RALY: variants seen among roughly 807,000 people sequenced by gnomAD.
The protein encoded by RALY is RNA-binding protein Raly.
Under a neutral mutation model 30.7 loss-of-function variants are expected in RALY, and 15 were observed. The observed-to-expected ratio is 0.49, with a 90% CI of 0.33 to 0.75. RALY has a LOEUF of 0.75. RALY is among the 30% of genes least tolerant of loss of function. The pLI, the probability that RALY is intolerant of heterozygous loss-of-function variation, is 0.02. For synonymous variants in RALY, 177 were observed against 170.8 expected, an observed-to-expected ratio of 1.04 and a Z score of -0.28; for missense variants, 339 against 414.3, an observed-to-expected ratio of 0.82 and a Z score of 1.58.
rs6059656 is a variant in RALY, at chr20:34,084,374, C to T, written c.*4469C>T. The T allele has an allele frequency of 4.6e-5, 7 of 152,320 alleles. No homozygotes were observed. Among genetic ancestry groups the T allele is most frequent in the African/African-American group, 1.7e-4 (7 of 41,550 alleles). The allele number at this position is 152,320 out of a possible 1,614,324, so 9.4% of individuals were successfully genotyped here. ...GTTCCAAGAAGTGGTAGAGCATGGC[C>T]ATAGGGCCTGTGAGAATAGAGGGAC... On this transcript the variant is annotated 3_prime_UTR_variant, in exon 10 of 10. Transcript: ENST00000246194.
chr20:34,057,181 G>T (rs1166482880), intron 2 of RALY, among the ~76,000 whole-genome samples: 1 of 152,146 alleles, frequency 6.6e-6, no homozygotes, highest in Non-Finnish European at 1.5e-5. Context: ...TTAGGCTACA[G>T]AGTTGAGTTA....
chr20:34,051,445 A>C (rs948944055), intron 2 of RALY, among the ~76,000 whole-genome samples: 6 of 151,988 alleles, frequency 3.9e-5, no homozygotes, highest in Non-Finnish European at 7.4e-5. Flanking sequence ...AACAATGTCT[A>C]CTCCTTATGG....
At chr20:34,030,501 A>C in intron 1 of RALY, among the ~76,000 whole-genome samples, 1 of 152,242 alleles carries the variant, frequency 6.6e-6, no homozygotes, top group East Asian at 1.9e-4. Flanking sequence ...GGAGCTGAGC[A>C]CAGAAATGTG....
chr20:34,032,393 G>T (rs1176429765), intron 2 of RALY, among the ~76,000 whole-genome samples: 2 of 152,194 alleles, frequency 1.3e-5, no homozygotes, highest in Admixed American at 1.3e-4. Flanking sequence ...AGTGATTAGG[G>T]TTTTATGAAG....
intron 2 of RALY, among the ~76,000 whole-genome samples, chr20:34,052,716 G>C (rs1391200244): frequency 2.0e-5 from 3 of 152,198 alleles, no homozygotes; most frequent in African/African-American, 7.2e-5. Context: ...ACCGTGCAAA[G>C]TCGAACTCTG....
chr20:34,064,428 A>G (rs556643713), intron 2 of RALY, among the ~76,000 whole-genome samples: 1 of 152,302 alleles, frequency 6.6e-6, no homozygotes, highest in African/African-American at 2.4e-5. Flanking sequence ...CAATGTCAGT[A>G]GTATAGGACC....
At chr20:34,030,858 C>T (rs1425184259) in intron 1 of RALY, among the ~76,000 whole-genome samples, 1 of 152,170 alleles carries the variant, frequency 6.6e-6, no homozygotes, top group Non-Finnish European at 1.5e-5. Context: ...AACACTCTTC[C>T]CTCAGATCTT....
chr20:34,006,628 A>G (rs879751149), intron 1 of RALY, among the ~76,000 whole-genome samples: 3 of 147,466 alleles, frequency 2.0e-5, no homozygotes, highest in Non-Finnish European at 4.4e-5. Flanking sequence ...TGATTGTAAT[A>G]CCATTTTTTT....
chr20:34,038,458 G>C lies in RALY; in HGVS notation c.-10+6854G>C, dbSNP rs6059641. ...GGGACAGATTGGGGGGTGCTCAAAA[G>C]CTACTTTACCCCATTAACACAAAGC... On this transcript the variant is annotated intron_variant, in intron 2 of 9. Transcript: ENST00000246194. 6.9e-3 allele frequency among the ~76,000 whole-genome samples: 1,055 copies of C among 152,236 alleles called. 12 individuals carry two copies. Among genetic ancestry groups the C allele is most frequent in the African/African-American group, 0.023 (952 of 41,520 alleles).
intron 5 of RALY, among the ~76,000 whole-genome samples, chr20:34,075,481 G>A (rs954796953): frequency 6.6e-5 from 10 of 151,916 alleles, no homozygotes; most frequent in Admixed American, 4.6e-4. Flanking sequence ...CTGGGGATTT[G>A]TGCTGCTTTG....
chr20:34,048,345 G>T (rs1009722205), intron 2 of RALY, among the ~76,000 whole-genome samples: 2 of 152,194 alleles, frequency 1.3e-5, no homozygotes, highest in East Asian at 3.9e-4. Context: ...CTATGCTATG[G>T]AGCATATAGC....
intron 1 of RALY, among the ~76,000 whole-genome samples, chr20:34,028,263 G>A (rs1475859149): frequency 2.0e-5 from 3 of 151,390 alleles, no homozygotes; most frequent in Non-Finnish European, 2.9e-5. Flanking sequence ...TCCAGCCTGG[G>A]CAACAGAGCA....
chr20:34,004,707 GA>G (rs1233714985), intron 1 of RALY, among the ~76,000 whole-genome samples: 1 of 152,182 alleles, frequency 6.6e-6, no homozygotes, highest in Admixed American at 6.5e-5. Flanking sequence ...ATCATTTCAA[GA>G]AAGAAATTAA....
At chr20:34,063,401 C>G (rs1198654640) in intron 2 of RALY, among the ~76,000 whole-genome samples, 1 of 152,138 alleles carries the variant, frequency 6.6e-6, no homozygotes, top group Non-Finnish European at 1.5e-5. Flanking sequence ...ATCAGACAAG[C>G]CCTTGGGTCT....
chr20:34,017,382 T>C (rs2031649548), intron 1 of RALY: 1 of 152,280 alleles, frequency 6.6e-6, no homozygotes, highest in South Asian at 2.1e-4. Flanking sequence ...CAACACCGAT[T>C]CCAATCTGAT....
At chr20:34,075,745 G>T in intron 5 of RALY, 129 bp from the exon 6 acceptor site, 1 of 1,047,254 alleles carries the variant, frequency 9.5e-7, no homozygotes, top group South Asian at 1.7e-5. Context: ...GGCTTGCTAG[G>T]AGCCAGCAGA....
rs756926253 is a variant in RALY at position 34,077,058 on chromosome 20, C to T, written c.689C>T (p.Ala230Val). Reference sequence around the variant, plus strand: ...AAGAAGAAGGGTGATGGAGGTGGCGCCGGCGGCGGCGGCGGTGGTGGTGGC... The same window carrying T: ...AAGAAGAAGGGTGATGGAGGTGGCGTCGGCGGCGGCGGCGGTGGTGGTGGC... ...DGKKKGDGGG[A>V]GGGGGGGGSG... The change falls in exon 8 of 10, where the codon GCC becomes GTC. Residue 230 changes from alanine to valine, a missense_variant. Transcript: ENST00000246194. 6 of 1,589,162 alleles carry T rather than the reference C, an allele frequency of 3.8e-6. No individual in the cohort carries two copies. The highest frequency in any genetic ancestry group is 3.4e-6 in the Non-Finnish European group (4 of 1,163,916).
intron 1 of RALY, among the ~76,000 whole-genome samples, chr20:34,001,237 A>G (rs1362478947): frequency 6.6e-6 from 1 of 152,214 alleles, no homozygotes; most frequent in Non-Finnish European, 1.5e-5. Context: ...TATGTAGCAA[A>G]CTGTTTAAAA....
At position 34,077,115 on chromosome 20, in the gene RALY, G is replaced by GC; in HGVS notation, c.747dup (p.Gly250ArgfsTer16). 6.2e-7 allele frequency: 1 copy of GC among 1,605,116 alleles called. No homozygotes were observed. Among genetic ancestry groups the GC allele is most frequent in the Non-Finnish European group, 8.5e-7 (1 of 1,175,412 alleles). On this transcript the variant is annotated frameshift_variant, in exon 8 of 10. Coordinates refer to ENST00000246194, the MANE Select transcript of RALY (RefSeq NM_016732.3). LOFTEE classifies it high-confidence loss of function. ...GGCGGTGGCAGTGGTGGTGGCGGTG[G>GC]CGGTGGCAGCAGCCGGCCACCAGCC...
Sources: gnomAD v4.1 joint callset for allele counts (sites outside exome capture counted in the v4.1 genomes callset) on GRCh38, gnomAD v4.1.1 for gene constraint, MANE v1.5 for transcripts, NCBI Gene and HGNC (gene_info 2026-07-23, HGNC 2026-07-21) for gene names.